Variants in NEMP2 observed in about 807,000 individuals in gnomAD.
NEMP2 encodes UPF0571 transmembrane protein.
A neutral mutation model predicts 54.2 loss-of-function variants in NEMP2; 53 were observed. The ratio of observed to expected loss-of-function variants is 0.98; its 90% CI spans 0.78 to 1.23. The LOEUF is 1.23. Ranked by LOEUF, NEMP2 falls within the 50% of genes most tolerant of loss-of-function variation. The pLI is 0.00. For synonymous variants in NEMP2, 197 were observed against 190.3 expected (o/e 1.04, Z -0.29); for missense variants, 455 against 511.3 (o/e 0.89, Z 1.06).
At chr2:190,586,327 GT>G in the NEMP2 span, among the ~76,000 whole-genome samples, 1 of 152,040 alleles carries the variant, frequency 6.6e-6, no homozygotes, top group Non-Finnish European at 1.5e-5. The surrounding 1 kb of genome is among the most constrained non-coding windows in gnomAD (Gnocchi z 4.5). Flanking sequence ...AGTCAGTTTC[GT>G]TTTGGTTTTG....
Position 190,512,045 on chromosome 2 carries a change from A to C in NEMP2, c.954-1508T>G, listed in dbSNP as rs2125307915. Among the ~76,000 whole-genome samples, 1 of 151,978 alleles carries C rather than the reference A, an allele frequency of 6.6e-6. No homozygotes were observed. The highest frequency in any genetic ancestry group is 2.1e-4 in the South Asian group (1 of 4,822). On this transcript the variant is annotated intron_variant, in intron 7 of 8. Transcript: ENST00000409150. This position sits in a 1 kb window ranked among gnomAD's most constrained non-coding sequence, Gnocchi z 4.5. Reference sequence around the variant, plus strand: ...ATCTATTATCTTTTAAAGATCTTATAGTTGATGAGCTAGATCAAGGAAACA... The same window carrying C: ...ATCTATTATCTTTTAAAGATCTTATCGTTGATGAGCTAGATCAAGGAAACA...
the NEMP2 span, among the ~76,000 whole-genome samples, chr2:190,621,743 A>G: frequency 6.6e-6 from 1 of 152,214 alleles, no homozygotes; most frequent in Non-Finnish European, 1.5e-5. Flanking sequence ...AAACCTTCAC[A>G]TGATGGTCAA....
chr2:190,450,681 C>T, the NEMP2 span, among the ~76,000 whole-genome samples: 3 of 151,514 alleles, frequency 2.0e-5, no homozygotes, highest in Non-Finnish European at 2.9e-5. Context: ...TTTGTAGAGA[C>T]GAGGTTTTGT....
chr2:190,635,843 T>C, the NEMP2 span, among the ~76,000 whole-genome samples: 6 of 152,134 alleles, frequency 3.9e-5, no homozygotes, highest in African/African-American at 1.4e-4. This position sits in a 1 kb window ranked among gnomAD's most constrained non-coding sequence, Gnocchi z 4.1. Context: ...TGTACCAATT[T>C]ATACTCTTAA....
In NEMP2 at chr2:190,520,773, T is replaced by C. The variant is rs898041382; in HGVS notation, c.214-1590A>G. Among the ~76,000 whole-genome samples the C allele has an allele frequency of 1.3e-5, 2 of 152,116 alleles. No individual in the cohort carries two copies. The highest frequency in any genetic ancestry group is 1.3e-4 in the Admixed American group (2 of 15,264). ...TACCAGACTGCAGCCCCTCCATACA[T>C]TGTGTTTCATTCATCTCACTGTGTG... On this transcript the variant is annotated intron_variant, in intron 2 of 8. Transcript: ENST00000409150. The surrounding 1 kb of genome is among the most constrained non-coding windows in gnomAD (Gnocchi z 5.4).
At chr2:190,442,340 C>T in the NEMP2 span, among the ~76,000 whole-genome samples, 57 of 152,160 alleles carry the variant, frequency 3.7e-4, no homozygotes, top group African/African-American at 1.3e-3. Context: ...TAAAGGGAAG[C>T]GTGTTGGAAA....
chr2:190,532,792 A>C (rs1691194258), intron 1 of NEMP2, among the ~76,000 whole-genome samples: 1 of 152,202 alleles, frequency 6.6e-6, no homozygotes, highest in Non-Finnish European at 1.5e-5. Flanking sequence ...TCTTAAGCCT[A>C]GTCTAATCCA....
the NEMP2 span, among the ~76,000 whole-genome samples, chr2:190,434,845 C>G: frequency 6.6e-6 from 1 of 152,228 alleles, no homozygotes; most frequent in Non-Finnish European, 1.5e-5. The surrounding 1 kb of genome is among the most constrained non-coding windows in gnomAD (Gnocchi z 4.3). Context: ...ACCGCTACCA[C>G]TCTGTGGCCT....
intron 4 of NEMP2, among the ~76,000 whole-genome samples, 196 bp from the exon 5 acceptor site, chr2:190,517,809 C>G (rs1242162038): frequency 6.6e-6 from 1 of 152,130 alleles, no homozygotes. Context: ...GCCACTAACT[C>G]AAAACAGAAT....
At chr2:190,451,194 A>G in the NEMP2 span, among the ~76,000 whole-genome samples, 4 of 152,168 alleles carry the variant, frequency 2.6e-5, no homozygotes, top group African/African-American at 9.7e-5. This position sits in a 1 kb window ranked among gnomAD's most constrained non-coding sequence, Gnocchi z 5.0. Context: ...CTAGATTCAA[A>G]TCCCACACTT....
At chr2:190,575,331 A>AT in the NEMP2 span, among the ~76,000 whole-genome samples, 64,500 of 148,550 alleles carry the variant, frequency 0.43, 14,658 homozygotes, top group Non-Finnish European at 0.53. Context: ...TTTTTTTCTA[A>AT]TTTTTTTTTT....
In NEMP2 at chr2:190,528,841, C is replaced by A. The variant is rs1385458510; in HGVS notation, c.98-3463G>T. Among the ~76,000 whole-genome samples, 1 of 152,142 alleles carries A rather than the reference C, an allele frequency of 6.6e-6. No homozygotes were observed. The highest frequency in any genetic ancestry group is 1.5e-5 in the Non-Finnish European group (1 of 68,022). On this transcript the variant is annotated intron_variant, in intron 1 of 8. Coordinates refer to ENST00000409150, the MANE Select transcript of NEMP2 (RefSeq NM_001142645.2). This position sits in a 1 kb window ranked among gnomAD's most constrained non-coding sequence, Gnocchi z 4.3. ...ATTCCAAACCTGGAGCTCTTAAGAGCAAGATGATGCAATTTAAGTATAGTG... is the reference window on the plus strand; with the variant it reads ...ATTCCAAACCTGGAGCTCTTAAGAGAAAGATGATGCAATTTAAGTATAGTG...
chr2:190,604,754 G>A, the NEMP2 span, among the ~76,000 whole-genome samples: 1 of 152,088 alleles, frequency 6.6e-6, no homozygotes, highest in Non-Finnish European at 1.5e-5. The surrounding 1 kb of genome is among the most constrained non-coding windows in gnomAD (Gnocchi z 4.5). Flanking sequence ...TTTAAAAAAT[G>A]ATAATATTGT....
rs769972261 is a variant in NEMP2 at position 190,509,320 on chromosome 2, G to GT, written c.1131-9dup. 1.3e-6 allele frequency: 2 copies of GT among 1,551,226 alleles called. No homozygotes were observed. Among genetic ancestry groups the GT allele is most frequent in the East Asian group, 4.9e-5 (2 of 40,922 alleles). ...AGAACAAAGTCTGCAAATCTAACAAGTTTTTTGTTTTAAATAAAGTTAATG... is the reference window on the plus strand; with the variant it reads ...AGAACAAAGTCTGCAAATCTAACAAGTTTTTTTGTTTTAAATAAAGTTAATG... On this transcript the variant is annotated splice_polypyrimidine_tract_variant and intron_variant, in intron 8 of 8. Coordinates refer to ENST00000409150, the MANE Select transcript of NEMP2 (RefSeq NM_001142645.2). This position sits in a 1 kb window ranked among gnomAD's most constrained non-coding sequence, Gnocchi z 6.1.
the NEMP2 span, among the ~76,000 whole-genome samples, chr2:190,470,686 C>T: frequency 2.6e-4 from 40 of 152,016 alleles, no homozygotes; most frequent in Non-Finnish European, 5.7e-4. Flanking sequence ...TTTCCCTTAC[C>T]CTAAGGAGAC....
chr2:190,505,093 T>C lies in NEMP2; in HGVS notation c.*4096A>G, dbSNP rs1165480186. On this transcript the variant is annotated 3_prime_UTR_variant, in exon 9 of 9. Coordinates refer to ENST00000409150, the MANE Select transcript of NEMP2 (RefSeq NM_001142645.2). The surrounding 1 kb of genome is among the most constrained non-coding windows in gnomAD (Gnocchi z 5.8). ...CACTGACAAGAGCCGCAGACTACAG[T>C]GTCCATTGCTGCGGGGCACAAATGA... is the stretch of plus-strand genomic sequence containing the variant. 1 of 152,214 alleles carries C rather than the reference T, an allele frequency of 6.6e-6. No individual in the cohort carries two copies. Among genetic ancestry groups the C allele is most frequent in the African/African-American group, 2.4e-5 (1 of 41,452 alleles). 9.4% of individuals were successfully genotyped at this position (152,214 alleles called of 1,614,324 possible). A position where few individuals can be genotyped will look rare whatever the true frequency, so the allele number is the denominator to read the frequency against.
chr2:190,590,237 C>T, the NEMP2 span, among the ~76,000 whole-genome samples: 1 of 152,200 alleles, frequency 6.6e-6, no homozygotes, highest in African/African-American at 2.4e-5. The surrounding 1 kb of genome is among the most constrained non-coding windows in gnomAD (Gnocchi z 5.1). Flanking sequence ...CACGACAGTC[C>T]ATGGGACCTC....
At chr2:190,490,914 A>G in the NEMP2 span, among the ~76,000 whole-genome samples, 8 of 152,320 alleles carry the variant, frequency 5.3e-5, no homozygotes, top group African/African-American at 1.7e-4. The surrounding 1 kb of genome is among the most constrained non-coding windows in gnomAD (Gnocchi z 4.5). Flanking sequence ...CAGAAAGAGC[A>G]ATACTGTTTT....
rs1263779167 is a variant in NEMP2 at position 190,534,610 on chromosome 2, G to A, written c.46C>T (p.Pro16Ser). Residue 16 changes from proline (P) to serine (S), a missense_variant, in exon 1 of 9, where the codon CCC (proline) becomes TCC (serine). Around this residue, in one of 3 missense-constraint regions of NEMP2, gnomAD observed 100 missense variants for 80.2 expected, o/e 1.25. Transcript: ENST00000409150. The part of the protein sequence containing the change: ...GRWWLLLWLP[P>S]LATLPVRGEA... ...CCGCGCACGGGCAGTGTGGCCAGGG[G>A]CGGCAGCCAGAGCAGCAGCCACCAC... 6.5e-6 allele frequency: 9 copies of A among 1,388,134 alleles called. No individual in the cohort carries two copies. The African/African-American group carries it at 1.4e-4, about 21-fold the overall frequency. The allele number at this position is 1,388,134 out of a possible 1,614,324, so 86.0% of individuals were successfully genotyped here. A position where few individuals can be genotyped will look rare whatever the true frequency, so the allele number is the denominator to read the frequency against.
Sources: gnomAD v4.1 joint callset for allele counts (sites outside exome capture counted in the v4.1 genomes callset) on GRCh38, gnomAD v4.1.1 for gene constraint, gnomAD v4.1.1 regional missense constraint, Gnocchi (gnomAD v3.1) non-coding constraint, MANE v1.5 for transcripts, NCBI Gene and HGNC (gene_info 2026-07-23, HGNC 2026-07-21) for gene names.